DNAH14: variants seen among roughly 807,000 people sequenced by gnomAD.
DNAH14 encodes dynein axonemal heavy chain 14.
Under a neutral mutation model 520.9 loss-of-function variants are expected in DNAH14, and 478 were observed. The ratio of observed to expected loss-of-function variants is 0.92; its 90% CI spans 0.85 to 0.99. The LOEUF (loss-of-function observed/expected upper bound fraction) is 0.99, where lower values mean the gene tolerates loss of function less well. DNAH14 is among the 50% of genes least tolerant of loss of function. The pLI, the probability that DNAH14 is intolerant of heterozygous loss-of-function variation, is 0.00. For synonymous variants in DNAH14, 1,581 were observed against 1,757.2 expected (o/e 0.90, Z 2.51); for missense variants, 4,831 against 5,234.5 (o/e 0.92, Z 2.38).
chr1:225,306,710 T>C (rs1180679546), intron 58 of DNAH14, among the ~76,000 whole-genome samples: 1 of 152,130 alleles, frequency 6.6e-6, no homozygotes, highest in Non-Finnish European at 1.5e-5. Context: ...TTACATACCT[T>C]GTACTATCCT....
chr1:225,230,899 C>A (rs2091043046), intron 41 of DNAH14, among the ~76,000 whole-genome samples, 174 bp from the exon 42 acceptor site: 1 of 152,148 alleles, frequency 6.6e-6, no homozygotes, highest in Non-Finnish European at 1.5e-5. Flanking sequence ...ACATTCTCTG[C>A]TCCTCTAATT....
In DNAH14 at chr1:225,082,620, A is replaced by G. The variant is rs1169196188; in HGVS notation, c.3208A>G (p.Ile1070Val). 2 of 1,551,654 alleles carry G rather than the reference A, an allele frequency of 1.3e-6. No individual in the cohort carries two copies. Among genetic ancestry groups the G allele is most frequent in the Non-Finnish European group, 1.7e-6 (2 of 1,146,942 alleles). ...VTEFKQELPIIIALGNPCLKP... is the reference protein window; with the variant it reads ...VTEFKQELPIVIALGNPCLKP... ...AGAGTTTAAACAAGAGCTGCCTATC[A>G]TTATAGCTCTGGGAAATCCCTGTCT... The change falls in exon 20 of 86, where the codon ATT becomes GTT. Residue 1070 changes from isoleucine (I) to valine (V), a missense_variant. Coordinates refer to ENST00000682510, the MANE Select transcript of DNAH14 (RefSeq NM_001367479.1).
chr1:224,952,827 C>T, intron 2 of DNAH14, 48 bp downstream of exon 2: 1 of 1,413,424 alleles, frequency 7.1e-7, no homozygotes, highest in Non-Finnish European at 9.6e-7. Flanking sequence ...AGTAAGATTT[C>T]AGCAGTGTAT....
In DNAH14 at chr1:224,954,990, G is replaced by C. The variant is rs1436159045; in HGVS notation, c.109G>C (p.Asp37His). The change falls in exon 3 of 86, where the codon GAT becomes CAT. Residue 37 changes from aspartate (D) to histidine (H), a missense_variant. By Grantham distance (81) the Asp-to-His change is moderately conservative (BLOSUM62 -1). Coordinates refer to ENST00000682510, the MANE Select transcript of DNAH14 (RefSeq NM_001367479.1). ...LLRYEEKKYE[D>H]VKPLETQPAE... is the part of the protein sequence containing the mutation. ...AAGATATGAAGAGAAAAAATATGAAGATGTGAAACCATTAGAGACTCAACC... is the reference window on the plus strand; with the variant it reads ...AAGATATGAAGAGAAAAAATATGAACATGTGAAACCATTAGAGACTCAACC... 6.2e-7 allele frequency: 1 copy of C among 1,602,998 alleles called. No homozygotes were observed. Among genetic ancestry groups the C allele is most frequent in the African/African-American group, 1.3e-5 (1 of 74,580 alleles).
intron 21 of DNAH14, among the ~76,000 whole-genome samples, 172 bp from the exon 22 acceptor site, chr1:225,096,946 C>G (rs2075034670): frequency 6.6e-6 from 1 of 151,992 alleles, no homozygotes; most frequent in South Asian, 2.1e-4. Context: ...CATCTTAAAC[C>G]TCTCCTAAAA....
chr1:224,975,487 C>A (rs2061759850), intron 8 of DNAH14, among the ~76,000 whole-genome samples: 1 of 152,066 alleles, frequency 6.6e-6, no homozygotes, highest in Non-Finnish European at 1.5e-5. Flanking sequence ...TTATCCATTT[C>A]TTCTAGATTT....
At chr1:225,048,317 A>G (rs540052714) in intron 15 of DNAH14, among the ~76,000 whole-genome samples, 1 of 152,258 alleles carries the variant, frequency 6.6e-6, no homozygotes, top group South Asian at 2.1e-4. Flanking sequence ...CCTAGGCAAG[A>G]TGGTGAAACC....
chr1:225,161,594 C>G (rs1419267502), intron 35 of DNAH14, among the ~76,000 whole-genome samples: 2 of 152,160 alleles, frequency 1.3e-5, no homozygotes, highest in African/African-American at 4.8e-5. Context: ...AAATTGTTCT[C>G]CATAGTGGTT....
chr1:224,929,689 G>C lies in DNAH14; in HGVS notation c.-180G>C, dbSNP rs1317059030. 2.0e-5 allele frequency: 14 copies of C among 702,340 alleles called. No individual in the cohort carries two copies. The East Asian group carries it at 2.9e-4, about 15-fold the overall frequency. The allele number at this position is 702,340 out of a possible 1,614,324, so 43.5% of individuals were successfully genotyped here. ...CGTGGCTCTTGGTCAGGCGGTTACG[G>C]CCAGGAGGCGTCGGAGCCTGGCGTG... On this transcript the variant is annotated 5_prime_UTR_variant, in exon 1 of 86. Coordinates refer to ENST00000682510, the MANE Select transcript of DNAH14 (RefSeq NM_001367479.1).
At chr1:225,184,573 T>C (rs748300354) in intron 36 of DNAH14, among the ~76,000 whole-genome samples, 3 of 152,170 alleles carry the variant, frequency 2.0e-5, no homozygotes, top group Admixed American at 6.5e-5. Context: ...TGAGTCCAGA[T>C]TGTACCACTG....
At chr1:224,955,395 T>C (rs16858758) in intron 3 of DNAH14, among the ~76,000 whole-genome samples, 8,708 of 152,220 alleles carry the variant, frequency 0.057, 473 homozygotes, top group East Asian at 0.24. Context: ...TGTCATTTTT[T>C]TTGAGGTACA....
intron 17 of DNAH14, among the ~76,000 whole-genome samples, chr1:225,066,439 C>A (rs2070890304): frequency 6.6e-6 from 1 of 151,832 alleles, no homozygotes; most frequent in Non-Finnish European, 1.5e-5. Context: ...TTGCCCCTGT[C>A]TTCTTCTAGA....
chr1:225,141,308 G>T lies in DNAH14; in HGVS notation c.4508+287G>T, dbSNP rs562937175. The stretch of plus-strand genomic sequence containing the variant: ...ATTCACATAACATGTGAATGTGAGT[G>T]TATTTTTCTACTGTTCTGTTTTATT... On this transcript the variant is annotated intron_variant, in intron 28 of 85. Coordinates refer to ENST00000682510, the MANE Select transcript of DNAH14 (RefSeq NM_001367479.1). Among the ~76,000 whole-genome samples, 8 of 151,992 alleles carry T rather than the reference G, an allele frequency of 5.3e-5. No individual in the cohort carries two copies. The South Asian group carries it at 1.5e-3, about 28-fold the overall frequency.
chr1:225,004,896 A>G (rs2064046789), intron 9 of DNAH14, among the ~76,000 whole-genome samples: 1 of 152,212 alleles, frequency 6.6e-6, no homozygotes, highest in African/African-American at 2.4e-5. Flanking sequence ...AATGGTGGTC[A>G]TACGTGTACT....
chr1:225,205,892 A>G, intron 39 of DNAH14, 79 bp from the exon 40 acceptor site: 1 of 1,251,076 alleles, frequency 8.0e-7, no homozygotes, highest in Admixed American at 2.3e-5. Context: ...TGTCCTAAGT[A>G]AAATAGAAAA....
chr1:225,238,037 C>T (rs2091718235), intron 42 of DNAH14, among the ~76,000 whole-genome samples: 1 of 152,142 alleles, frequency 6.6e-6, no homozygotes, highest in Admixed American at 6.5e-5. Context: ...TGATTCTTAG[C>T]TTCTTTGCAT....
chr1:225,153,170 A>G (rs1005448751), intron 33 of DNAH14, among the ~76,000 whole-genome samples: 9 of 152,148 alleles, frequency 5.9e-5, no homozygotes, highest in Admixed American at 4.6e-4. Context: ...TTTTTTCCAT[A>G]CAAGGAAGTT....
At chr1:225,188,930 G>A (rs777765196) in intron 37 of DNAH14, among the ~76,000 whole-genome samples, 2 of 151,492 alleles carry the variant, frequency 1.3e-5, no homozygotes, top group African/African-American at 2.4e-5. Context: ...TTTATTCTTT[G>A]GAATCCTTGT....
At chr1:225,024,015 C>A in intron 11 of DNAH14, 150 bp downstream of exon 11, 1 of 1,369,694 alleles carries the variant, frequency 7.3e-7, no homozygotes, top group Non-Finnish European at 9.4e-7. Flanking sequence ...ATTAACAGAA[C>A]TTATTATTTG....
Sources: allele counts gnomAD v4.1 joint callset (sites outside exome capture counted in the v4.1 genomes callset), GRCh38; gene constraint gnomAD v4.1.1; transcripts MANE v1.5; gene names NCBI Gene and HGNC (gene_info 2026-07-23, HGNC 2026-07-21).